The following IMPG1 variants were observed in gnomAD, a reference collection of about 807,000 sequenced individuals.
IMPG1 encodes interphotoreceptor matrix proteoglycan of 150 kDa.
IMPG1 carries 85 observed loss-of-function variants against 92.0 expected under a neutral mutation model. The observed-to-expected ratio is 0.92, with a 90% confidence interval of 0.78 to 1.11. IMPG1 has a LOEUF of 1.11. IMPG1 is among the 50% of genes least tolerant of loss of function. The pLI, the probability that IMPG1 is intolerant of heterozygous loss-of-function variation, is 0.00. For synonymous variants in IMPG1, 367 were observed against 334.1 expected, an observed-to-expected ratio of 1.10 and a Z score of -1.08; for missense variants, 1,022 against 956.0, an observed-to-expected ratio of 1.07 and a Z score of -0.91.
chr6:76,012,782 A>G (rs1582103728), intron 7 of IMPG1, among the ~76,000 whole-genome samples: 1 of 152,204 alleles, frequency 6.6e-6, no homozygotes, highest in East Asian at 1.9e-4. Context: ...CTCCACATAA[A>G]TATCCCAACA....
chr6:75,973,903 A>G (rs935075831), intron 12 of IMPG1, among the ~76,000 whole-genome samples: 1 of 152,226 alleles, frequency 6.6e-6, no homozygotes, highest in African/African-American at 2.4e-5. Flanking sequence ...AATGAGGCTG[A>G]TAAGATCTGC....
At chr6:76,064,393 C>T (rs1350662493) in intron 1 of IMPG1, among the ~76,000 whole-genome samples, 2 of 145,752 alleles carry the variant, frequency 1.4e-5, no homozygotes, top group Non-Finnish European at 3.0e-5. Flanking sequence ...TTTTAATGGC[C>T]ATTGGCTAAA....
chr6:75,963,946 A>G (rs182187528), intron 12 of IMPG1, among the ~76,000 whole-genome samples: 1 of 152,212 alleles, frequency 6.6e-6, no homozygotes, highest in Admixed American at 6.5e-5. Flanking sequence ...ACACCCAGGC[A>G]AATGCACTAA....
chr6:76,032,924 T>C (rs761369863), intron 4 of IMPG1, among the ~76,000 whole-genome samples: 10 of 152,112 alleles, frequency 6.6e-5, no homozygotes, highest in Non-Finnish European at 1.2e-4. Flanking sequence ...CTGGATTAGT[T>C]AGTTTGGCTT....
At chr6:75,927,539 G>A (rs1217676402) in intron 15 of IMPG1, among the ~76,000 whole-genome samples, 1 of 152,130 alleles carries the variant, frequency 6.6e-6, no homozygotes, top group African/African-American at 2.4e-5. Context: ...CTGTGGTCCC[G>A]TTTCTTCACT....
chr6:76,007,566 C>T lies in IMPG1; in HGVS notation c.867-66G>A, dbSNP rs541796028. The T allele has an allele frequency of 8.3e-5, 89 of 1,074,512 alleles. 1 individual carries two copies. The African/African-American group carries it at 1.3e-3, about 15-fold the overall frequency. 66.6% of individuals were successfully genotyped at this position (1,074,512 alleles called of 1,614,324 possible). On this transcript the variant is annotated intron_variant, in intron 8 of 16. Transcript: ENST00000369950. ...AAAAATTTAATGACATTTATTGAGA[C>T]ATTCAATGAATTATTTTATATACAA...
At chr6:76,047,042 C>T (rs1218945953) in intron 1 of IMPG1, among the ~76,000 whole-genome samples, 1 of 152,188 alleles carries the variant, frequency 6.6e-6, no homozygotes, top group East Asian at 1.9e-4. Flanking sequence ...ATGCACCTCA[C>T]AAGTTTTCTT....
intron 6 of IMPG1, among the ~76,000 whole-genome samples, chr6:76,019,731 G>A (rs1256204958): frequency 1.3e-5 from 2 of 152,214 alleles, no homozygotes; most frequent in Non-Finnish European, 2.9e-5. Flanking sequence ...CATGGTGCTA[G>A]GATCAATGGG....
chr6:75,928,750 T>C (rs187352567), intron 15 of IMPG1: 4 of 152,358 alleles, frequency 2.6e-5, no homozygotes, highest in African/African-American at 4.8e-5. Context: ...TTATTATGAA[T>C]TTACTTACAT....
chr6:75,959,475 C>G (rs1857003), intron 12 of IMPG1, among the ~76,000 whole-genome samples: 15,459 of 152,202 alleles, frequency 0.1, 1,110 homozygotes, highest in East Asian at 0.35. Flanking sequence ...CACAGCCCCC[C>G]CTTCCCCCAG....
At position 75,950,553 on chromosome 6, in the gene IMPG1, C is replaced by A. The variant is rs777595056; in HGVS notation, c.1824+9G>T. The A allele has an allele frequency of 6.3e-7, 1 of 1,584,822 alleles. No homozygotes were observed. The highest frequency in any genetic ancestry group is 1.4e-5 in the African/African-American group (1 of 74,054). On this transcript the variant is annotated intron_variant, in intron 13 of 16. Transcript: ENST00000369950. Reference sequence around the variant, plus strand: ...AAAGAATTGGGAATTGTGAGCAGTGCCCACTCACCAGCTGTGTGAATTGTT... The same window carrying A: ...AAAGAATTGGGAATTGTGAGCAGTGACCACTCACCAGCTGTGTGAATTGTT...
At chr6:76,014,698 C>T (rs1303281165) in intron 7 of IMPG1, among the ~76,000 whole-genome samples, 1 of 152,184 alleles carries the variant, frequency 6.6e-6, no homozygotes, top group Non-Finnish European at 1.5e-5. Context: ...CTGTTATATA[C>T]ATGAAAACAG....
intron 2 of IMPG1, among the ~76,000 whole-genome samples, chr6:76,035,021 TGTGTGTGTGTGC>T (rs1783715202): frequency 2.0e-5 from 3 of 151,886 alleles, no homozygotes; most frequent in African/African-American, 7.3e-5. Context: ...TGTGTGCGTG[TGTGTGTGTGTGC>T]AAAACTGCAG....
At chr6:75,977,750 T>C (rs1782563262) in intron 12 of IMPG1, among the ~76,000 whole-genome samples, 1 of 152,158 alleles carries the variant, frequency 6.6e-6, no homozygotes, top group Non-Finnish European at 1.5e-5. Flanking sequence ...GAGTGGTTTA[T>C]GGATGGGCAG....
intron 4 of IMPG1, among the ~76,000 whole-genome samples, chr6:76,030,036 C>T (rs1783627481): frequency 6.6e-6 from 1 of 152,130 alleles, no homozygotes; most frequent in African/African-American, 2.4e-5. Flanking sequence ...GGTTAAAAGG[C>T]ACAGTGCAGG....
At chr6:76,031,224 A>G (rs894136079) in intron 4 of IMPG1, among the ~76,000 whole-genome samples, 1 of 152,192 alleles carries the variant, frequency 6.6e-6, no homozygotes, top group Non-Finnish European at 1.5e-5. Context: ...GTCCCAAAGC[A>G]TTGTGTCTGT....
intron 12 of IMPG1, among the ~76,000 whole-genome samples, chr6:75,982,157 G>T (rs1224764298): frequency 6.6e-6 from 1 of 152,140 alleles, no homozygotes; most frequent in East Asian, 1.9e-4. Context: ...TATATTGTAG[G>T]ATGAAGGTGG....
At chr6:76,057,831 T>G (rs941706225) in intron 1 of IMPG1, among the ~76,000 whole-genome samples, 1 of 152,158 alleles carries the variant, frequency 6.6e-6, no homozygotes, top group African/African-American at 2.4e-5. Flanking sequence ...GTTTGTAAAA[T>G]TTTTAATATA....
At chr6:75,981,378 A>G (rs1184938460) in intron 12 of IMPG1, among the ~76,000 whole-genome samples, 2 of 152,234 alleles carry the variant, frequency 1.3e-5, no homozygotes, top group Non-Finnish European at 2.9e-5. Context: ...AAGTTCCTTT[A>G]GAGGCGTTCT....
Sources: gnomAD v4.1 joint callset for allele counts (sites outside exome capture counted in the v4.1 genomes callset) on GRCh38, gnomAD v4.1.1 for gene constraint, MANE v1.5 for transcripts, NCBI Gene and HGNC (gene_info 2026-07-23, HGNC 2026-07-21) for gene names.